The following KAZN variants were observed in gnomAD, a reference collection of about 807,000 sequenced individuals.
KAZN encodes the protein kazrin.
A neutral mutation model predicts 87.4 loss-of-function variants in KAZN; 40 were observed. The ratio of observed to expected loss-of-function variants is 0.46; its 90% CI spans 0.36 to 0.60. KAZN has a LOEUF of 0.60. KAZN is among the 20% of genes least tolerant of loss of function. KAZN has a pLI of 0.00. For missense variants in KAZN, 898 were observed against 1,073.9 expected (o/e 0.84, Z 2.29); for synonymous variants, 466 against 458.3 (o/e 1.02, Z -0.22).
At chr1:14,723,272 C>T (rs1350937141) in intron 1 of KAZN, among the ~76,000 whole-genome samples, 1 of 152,132 alleles carries the variant, frequency 6.6e-6, no homozygotes, top group Non-Finnish European at 1.5e-5. Context: ...TGCTGTCTGC[C>T]CCCACACTGT....
intron 1 of KAZN, among the ~76,000 whole-genome samples, chr1:13,902,454 T>A (rs1021728941): frequency 1.6e-4 from 25 of 152,204 alleles, no homozygotes; most frequent in Non-Finnish European, 5.9e-5. Flanking sequence ...TTAGGCCTGA[T>A]GTGGATATCT....
rs113338391 is a variant in KAZN, at chr1:13,968,581, C to T, written c.91+74825C>T. On this transcript the variant is annotated intron_variant, in intron 1 of 16. Coordinates refer to the KAZN transcript ENST00000636203. Reference sequence around the variant, plus strand: ...TGTCCATTCTGTCTTGAATCACTTCCGGTTGGATTTTGTCCCTACTGTGGA... The same window carrying T: ...TGTCCATTCTGTCTTGAATCACTTCTGGTTGGATTTTGTCCCTACTGTGGA... Among the ~76,000 whole-genome samples the T allele has an allele frequency of 3.9e-3, 595 of 152,296 alleles. 3 individuals are homozygous for T. Among genetic ancestry groups the T allele is most frequent in the African/African-American group, 0.013 (553 of 41,554 alleles).
intron 2 of KAZN, among the ~76,000 whole-genome samples, chr1:15,032,476 G>A (rs12758615): frequency 2.8e-4 from 43 of 151,824 alleles, no homozygotes; most frequent in Non-Finnish European, 5.0e-4. Flanking sequence ...ACAGGCATGA[G>A]CCACCGCGCC....
intron 1 of KAZN, among the ~76,000 whole-genome samples, chr1:13,971,840 G>A (rs1347493066): frequency 6.6e-6 from 1 of 152,106 alleles, no homozygotes; most frequent in African/African-American, 2.4e-5. Context: ...GTTTAAAAGT[G>A]TGTAGCACCT....
At chr1:14,048,170 C>G (rs889056362) in intron 1 of KAZN, among the ~76,000 whole-genome samples, 1 of 152,186 alleles carries the variant, frequency 6.6e-6, no homozygotes, top group African/African-American at 2.4e-5. Context: ...AATTAAATGG[C>G]ATCATATTTG....
chr1:14,801,396 G>A (rs1646016513), intron 1 of KAZN, among the ~76,000 whole-genome samples: 1 of 152,182 alleles, frequency 6.6e-6, no homozygotes, highest in Admixed American at 6.5e-5. Context: ...CAGGTGTGAG[G>A]GGTCAGGCAG....
At chr1:14,730,377 C>T (rs1489368361) in intron 1 of KAZN, among the ~76,000 whole-genome samples, 1 of 152,326 alleles carries the variant, frequency 6.6e-6, no homozygotes, top group Admixed American at 6.5e-5. Context: ...CCACCGTGCC[C>T]GGCCTAAAGT....
intron 1 of KAZN, among the ~76,000 whole-genome samples, chr1:14,632,714 G>A (rs1679660228): frequency 6.6e-6 from 1 of 151,978 alleles, no homozygotes; most frequent in Non-Finnish European, 1.5e-5. Flanking sequence ...GACCGCAAGT[G>A]TAAACCTGGC....
chr1:14,709,686 A>G (rs1424389671), intron 1 of KAZN, among the ~76,000 whole-genome samples: 1 of 152,146 alleles, frequency 6.6e-6, no homozygotes, highest in African/African-American at 2.4e-5. Context: ...TCCAGGATAC[A>G]GTATGAAGAG....
intron 1 of KAZN, among the ~76,000 whole-genome samples, chr1:13,943,317 A>G (rs1641009152): frequency 3.9e-5 from 6 of 152,200 alleles, no homozygotes; most frequent in Admixed American, 3.9e-4. Context: ...GAAAGAAGAT[A>G]ATAGTGTCTG....
chr1:15,110,445 ATGTG>A (rs1377168595), intron 13 of KAZN, among the ~76,000 whole-genome samples: 49 of 139,798 alleles, frequency 3.5e-4, no homozygotes, highest in East Asian at 1.5e-3. Context: ...GTATTTGTGT[ATGTG>A]TGTATTTGTG....
intron 1 of KAZN, among the ~76,000 whole-genome samples, chr1:14,847,613 C>T (rs748361349): frequency 1.1e-4 from 16 of 152,186 alleles, no homozygotes; most frequent in Non-Finnish European, 2.1e-4. Flanking sequence ...CCATCAGCCT[C>T]CCCCACCCAA....
intron 1 of KAZN, among the ~76,000 whole-genome samples, chr1:14,155,943 T>G (rs1389848783): frequency 6.6e-6 from 1 of 152,044 alleles, no homozygotes; most frequent in African/African-American, 2.4e-5. Flanking sequence ...AGCCCAGATA[T>G]TTTTCTTCTC....
intron 2 of KAZN, among the ~76,000 whole-genome samples, chr1:14,511,673 G>A (rs986452044): frequency 2.6e-5 from 4 of 152,164 alleles, no homozygotes; most frequent in Admixed American, 2.0e-4. Context: ...AACCTGGTAG[G>A]TGCTTATGCA....
intron 1 of KAZN, among the ~76,000 whole-genome samples, chr1:14,714,906 T>TG (rs1642708673): frequency 6.7e-6 from 1 of 148,432 alleles, no homozygotes; most frequent in Admixed American, 6.8e-5. Context: ...GTGATCCTCC[T>TG]GCCTCAGCCT....
At chr1:14,344,866 G>A (rs1657994642) in intron 2 of KAZN, among the ~76,000 whole-genome samples, 2 of 151,652 alleles carry the variant, frequency 1.3e-5, no homozygotes, top group Non-Finnish European at 2.9e-5. Flanking sequence ...TTCACGGGTG[G>A]ACATAGCTTC....
chr1:14,513,256 G>A (rs906389823), intron 2 of KAZN, among the ~76,000 whole-genome samples: 4 of 152,116 alleles, frequency 2.6e-5, no homozygotes, highest in African/African-American at 9.7e-5. Context: ...CTCTGTGTTA[G>A]CCGGTCCCTC....
intron 1 of KAZN, among the ~76,000 whole-genome samples, chr1:14,891,076 C>T (rs1481139429): frequency 1.3e-5 from 2 of 149,080 alleles, no homozygotes; most frequent in South Asian, 2.1e-4. Flanking sequence ...GATCTCCTGA[C>T]CTCGTGATCC....
At position 14,543,101 on chromosome 1, in the gene KAZN, T is replaced by C. The variant is rs143380653; in HGVS notation, c.250-55882T>C. ...CTAGCTGGGTCACCGTGGACATATC[T>C]TTATTTTTCTAAGCCTGAGTTACTC... On this transcript the variant is annotated intron_variant, in intron 2 of 16. Transcript: ENST00000636203. Among the ~76,000 whole-genome samples, 58 of 152,330 alleles carry C rather than the reference T, an allele frequency of 3.8e-4. No individual in the cohort carries two copies. The East Asian group carries it at 9.6e-3, about 25-fold the overall frequency.
Sources: allele counts gnomAD v4.1 joint callset (sites outside exome capture counted in the v4.1 genomes callset), GRCh38; gene constraint gnomAD v4.1.1; transcripts MANE v1.5; gene names NCBI Gene and HGNC (gene_info 2026-07-23, HGNC 2026-07-21).